Variants in WDFY3 observed in about 807,000 individuals in gnomAD.
WDFY3 encodes the protein WD repeat and FYVE domain-containing protein 3.
In WDFY3, 66 loss-of-function variants were observed where a neutral mutation model predicts 409.6. The ratio of observed to expected loss-of-function variants is 0.16; its 90% CI spans 0.13 to 0.20. The LOEUF is 0.20. Ranked by LOEUF, WDFY3 falls within the 10% of genes least tolerant of loss-of-function variation. The pLI is 1.00. For missense variants in WDFY3, 3,031 were observed against 4,298.1 expected, an observed-to-expected ratio of 0.71 and a Z score of 8.24; for synonymous variants, 1,521 against 1,537.1, an observed-to-expected ratio of 0.99 and a Z score of 0.25.
intron 36 of WDFY3, among the ~76,000 whole-genome samples, chr4:84,744,874 A>T (rs2149254499): frequency 6.7e-6 from 1 of 150,132 alleles, no homozygotes; most frequent in African/African-American, 2.4e-5. Context: ...AAAAAAAAAA[A>T]AAAAAAGTAA....
At chr4:84,935,041 T>C (rs1459911544) in intron 1 of WDFY3, among the ~76,000 whole-genome samples, 1 of 152,146 alleles carries the variant, frequency 6.6e-6, no homozygotes, top group Non-Finnish European at 1.5e-5. Flanking sequence ...CGTTGTTGCA[T>C]ATAGTTGTAG....
intron 66 of WDFY3, among the ~76,000 whole-genome samples, 198 bp downstream of exon 66, chr4:84,677,961 CAAAAAAAAA>C (rs986393073): frequency 4.7e-5 from 1 of 21,182 alleles, no homozygotes; most frequent in South Asian, 1.7e-3. Context: ...GACCCTGTCT[CAAAAAAAAA>C]AAAAAAAAAA....
At chr4:84,925,313 C>T (rs1239706343) in intron 2 of WDFY3, among the ~76,000 whole-genome samples, 1 of 152,132 alleles carries the variant, frequency 6.6e-6, no homozygotes, top group African/African-American at 2.4e-5. Context: ...CTATCTAATG[C>T]CCTGGGAAGT....
Position 84,677,414 on chromosome 4 carries a change from G to C in WDFY3, c.10260-18C>G. 6.3e-7 allele frequency: 1 copy of C among 1,578,192 alleles called. No individual in the cohort carries two copies. Among genetic ancestry groups the C allele is most frequent in the Non-Finnish European group, 8.6e-7 (1 of 1,161,532 alleles). On this transcript the variant is annotated intron_variant, in intron 66 of 67. Coordinates refer to ENST00000295888, the MANE Select transcript of WDFY3 (RefSeq NM_014991.6). Reference sequence around the variant, plus strand: ...TGTGATCCCTGCAGGAGACACGACAGAGGAGGTCACTGCACGGAAGGCTTC... The same window carrying C: ...TGTGATCCCTGCAGGAGACACGACACAGGAGGTCACTGCACGGAAGGCTTC...
intron 3 of WDFY3, among the ~76,000 whole-genome samples, chr4:84,873,532 A>T (rs569421711): frequency 1.3e-5 from 2 of 152,310 alleles, no homozygotes; most frequent in South Asian, 4.1e-4. Context: ...TGTATACATT[A>T]TAAAAGAAGA....
intron 1 of WDFY3, among the ~76,000 whole-genome samples, chr4:84,956,473 C>CCT (rs1030921675): frequency 6.6e-6 from 1 of 152,124 alleles, no homozygotes; most frequent in Non-Finnish European, 1.5e-5. Flanking sequence ...AATTTCTGGG[C>CCT]CTCTGAAGTG....
Position 84,809,810 on chromosome 4 carries a change from A to T in WDFY3, c.2345+77T>A, listed in dbSNP as rs547989294. 46 of 1,296,362 alleles carry T rather than the reference A, an allele frequency of 3.5e-5. 1 individual carries two copies. The East Asian group carries it at 1.1e-3, about 31-fold the overall frequency. 80.3% of individuals were successfully genotyped at this position (1,296,362 alleles called of 1,614,324 possible). On this transcript the variant is annotated intron_variant, in intron 14 of 67. Transcript: ENST00000295888. The stretch of plus-strand genomic sequence containing the variant: ...TCTGTTTTCATATTCTTTTGGATTA[A>T]CTCATAATTCAAGTCTTAATGTTGA...
Position 84,821,242 on chromosome 4 carries a change from C to T in WDFY3, c.1433G>A (p.Cys478Tyr). 1 of 1,613,674 alleles carries T rather than the reference C, an allele frequency of 6.2e-7. No individual in the cohort carries two copies. ...ILLKSSSSYHCSIIAMKTLLK... is the reference protein window; with the variant it reads ...ILLKSSSSYHYSIIAMKTLLK... ...AAGTGTTTTCATTGCAATAATGCTA[C>T]AGTGATAAGAAGAGCTAGATTTTAA... The change falls in exon 11 of 68, where the codon TGT becomes TAT. Residue 478 changes from cysteine to tyrosine, a missense_variant. Physicochemically the swap from Cys to Tyr is radical, Grantham distance 194. Coordinates refer to ENST00000295888, the MANE Select transcript of WDFY3 (RefSeq NM_014991.6).
Position 84,721,491 on chromosome 4 carries a change from T to G in WDFY3, c.7523A>C (p.Gln2508Pro), listed in dbSNP as rs946330532. The change falls in exon 47 of 68, where the codon CAG (glutamine) becomes CCG (proline). Residue 2508 changes from glutamine (Q) to proline (P), a missense_variant. Physicochemically the swap from Gln to Pro is moderately conservative, Grantham distance 76 (BLOSUM62 -1). Around this residue, in one of 16 missense-constraint regions of WDFY3, gnomAD observed 127 missense variants for 144.4 expected, o/e 0.88. Coordinates refer to ENST00000295888, the MANE Select transcript of WDFY3 (RefSeq NM_014991.6). ...DEENQEQLQD[Q>P]IAEGSSIEEE... ...TTCTATGGAGCTGCCCTCAGCAATC[T>G]GGTCTTGTAGCTGCTCCTGGTTCTC... 1 of 1,613,134 alleles carries G rather than the reference T, an allele frequency of 6.2e-7. No individual in the cohort carries two copies. Among genetic ancestry groups the G allele is most frequent in the Non-Finnish European group, 8.5e-7 (1 of 1,180,028 alleles).
At chr4:84,917,960 C>A (rs1192144456) in intron 2 of WDFY3, among the ~76,000 whole-genome samples, 1 of 152,006 alleles carries the variant, frequency 6.6e-6, no homozygotes, top group Admixed American at 6.6e-5. Flanking sequence ...GATGTTAAAC[C>A]TCACTCATAA....
rs200364016 is a variant in WDFY3 at position 84,751,466 on chromosome 4, C to T, written c.5973+17G>A. On this transcript the variant is annotated intron_variant, in intron 36 of 67. Coordinates refer to ENST00000295888, the MANE Select transcript of WDFY3 (RefSeq NM_014991.6). ...AAGTAATGCAAAAGAGATGTAAATGCGTTTCTTTTTCTTTACCTCCAACAA... is the reference window on the plus strand; with the variant it reads ...AAGTAATGCAAAAGAGATGTAAATGTGTTTCTTTTTCTTTACCTCCAACAA... The T allele has an allele frequency of 2.1e-5, 34 of 1,610,512 alleles. No individual in the cohort carries two copies. The highest frequency in any genetic ancestry group is 1.6e-4 in the East Asian group (7 of 44,850).
chr4:84,716,600 T>C (rs1001241885), intron 49 of WDFY3, among the ~76,000 whole-genome samples: 4 of 151,094 alleles, frequency 2.6e-5, no homozygotes, highest in Non-Finnish European at 5.9e-5. Flanking sequence ...ATCGAGACCA[T>C]CCTGGCTGAC....
chr4:84,936,431 G>C (rs533910384), intron 1 of WDFY3, among the ~76,000 whole-genome samples: 1 of 152,154 alleles, frequency 6.6e-6, no homozygotes, highest in South Asian at 2.1e-4. Flanking sequence ...TGAGGCAGGA[G>C]GATCACTTAA....
chr4:84,683,313 G>T (rs989221258), intron 63 of WDFY3, among the ~76,000 whole-genome samples: 1 of 152,092 alleles, frequency 6.6e-6, no homozygotes, highest in Non-Finnish European at 1.5e-5. Context: ...GACTAAAGAG[G>T]GTGGTAATCA....
chr4:84,859,106 A>G (rs540592148), intron 4 of WDFY3, among the ~76,000 whole-genome samples: 1 of 152,234 alleles, frequency 6.6e-6, no homozygotes, highest in Admixed American at 6.5e-5. Flanking sequence ...GAGCGAGAGA[A>G]GGGAAACCAA....
intron 3 of WDFY3, among the ~76,000 whole-genome samples, chr4:84,871,936 T>C (rs574762523): frequency 2.0e-5 from 3 of 152,346 alleles, no homozygotes; most frequent in South Asian, 4.1e-4. Flanking sequence ...GCCTAGCTTT[T>C]AATTATTCCT....
intron 32 of WDFY3, among the ~76,000 whole-genome samples, chr4:84,761,752 AAACAAATTTACAAG>A (rs1397568423): frequency 9.2e-5 from 14 of 152,158 alleles, no homozygotes; most frequent in Non-Finnish European, 1.3e-4. Flanking sequence ...CAACGAACTC[AAACAAATTTACAAG>A]AAAAAAACAA....
At chr4:84,808,474 G>C (rs986126682) in intron 14 of WDFY3, 57 bp from the exon 15 acceptor site, 1 of 1,485,188 alleles carries the variant, frequency 6.7e-7, no homozygotes, top group Non-Finnish European at 9.3e-7. Flanking sequence ...GAGAACACCA[G>C]GTTGGCAGTT....
chr4:84,776,607 G>C (rs1044110826), intron 27 of WDFY3, among the ~76,000 whole-genome samples: 1 of 151,970 alleles, frequency 6.6e-6, no homozygotes, highest in Non-Finnish European at 1.5e-5. Context: ...CCATCTCTGG[G>C]CTTTCACAAG....
Sources: gnomAD v4.1 joint callset for allele counts (sites outside exome capture counted in the v4.1 genomes callset) on GRCh38, gnomAD v4.1.1 for gene constraint, gnomAD v4.1.1 regional missense constraint, MANE v1.5 for transcripts, NCBI Gene and HGNC (gene_info 2026-07-23, HGNC 2026-07-21) for gene names.